UNC80: variants seen among roughly 807,000 people sequenced by gnomAD.
The protein encoded by UNC80 is unc-80 subunit of NALCN channel complex, also known as protein unc-80 homolog.
In UNC80, 164 loss-of-function variants were observed where a neutral mutation model predicts 384.6. The ratio of observed to expected loss-of-function variants is 0.43; its 90% confidence interval spans 0.38 to 0.49. The LOEUF is 0.49. Ranked by LOEUF, UNC80 falls within the 20% of genes least tolerant of loss-of-function variation. The pLI is 0.00. For missense variants in UNC80, 3,330 were observed against 4,143.0 expected (o/e 0.80, Z 5.39); for synonymous variants, 1,486 against 1,527.8 (o/e 0.97, Z 0.64).
chr2:209,926,712 G>A, intron 35 of UNC80, 131 bp from the exon 36 acceptor site: 1 of 1,126,394 alleles, frequency 8.9e-7, no homozygotes, highest in African/African-American at 1.5e-5. Context: ...AGAAGTCGAG[G>A]CTGCAGTGAG....
Position 209,808,767 on chromosome 2 carries a change from T to TTCTGCGCTACTCGGCGACCTCGTTGCC in UNC80, c.939-4801_939-4800insGGCGACCTCGTTGCCTCTGCGCTACTC, listed in dbSNP as rs1553520996. ...CTAGTGAGTGGGTCGCCTGCGCTAC[T>TTCTGCGCTACTCGGCGACCTCGTTGCC]TCTGCGCTACTCAGCGACCTCGTTG... On this transcript the variant is annotated intron_variant, in intron 7 of 64. Coordinates refer to ENST00000673920, the MANE Select transcript of UNC80 (RefSeq NM_001371986.1). 6.1e-4 allele frequency: 36 copies of TTCTGCGCTACTCGGCGACCTCGTTGCC among 59,254 alleles called. No individual in the cohort carries two copies. The East Asian group carries it at 0.026, about 42-fold the overall frequency. 3.7% of individuals were successfully genotyped at this position (59,254 alleles called of 1,614,324 possible).
rs1052449435 is a variant in UNC80, at chr2:209,829,233, C to G, written c.2480C>G (p.Ala827Gly). The G allele has an allele frequency of 5.8e-6, 9 of 1,550,988 alleles. No homozygotes were observed. Among genetic ancestry groups the G allele is most frequent in the Non-Finnish European group, 7.8e-6 (9 of 1,146,578 alleles). ...RLRHQVFREN[A>G]QNCLTKLYKL... ...TTCACTTTTCTTCCTTCATTGCAGG[C>G]CCAGAACTGCCTCACTAAGCTATAC... Residue 827 changes from alanine (A) to glycine (G), a missense_variant and splice_region_variant, in exon 15 of 65, where the codon GCC becomes GGC. Transcript: ENST00000673920.
chr2:209,868,537 A>G (rs2084024722), intron 22 of UNC80, among the ~76,000 whole-genome samples: 1 of 152,208 alleles, frequency 6.6e-6, no homozygotes, highest in African/African-American at 2.4e-5. Flanking sequence ...AGCTATCGAA[A>G]TTAGTATCTC....
In UNC80 at chr2:209,967,633, T is replaced by G; in HGVS notation, c.8002T>G (p.Leu2668Val). 12 of 1,551,540 alleles carry G rather than the reference T, an allele frequency of 7.7e-6. No homozygotes were observed. Among genetic ancestry groups the G allele is most frequent in the Non-Finnish European group, 1.0e-5 (12 of 1,146,890 alleles). ...MFNKIHKMPT[L>V]RRQVEWEPAS... ...CAACAAAATTCATAAGATGCCTACTTTGAGGTGAGAATGCCTCCGAGTTAG... is the reference window on the plus strand; with the variant it reads ...CAACAAAATTCATAAGATGCCTACTGTGAGGTGAGAATGCCTCCGAGTTAG... The change falls in exon 52 of 65, where the codon TTG becomes GTG. Residue 2668 changes from leucine (L) to valine (V), a missense_variant. This residue lies in a region of UNC80 where 1,049 missense variants were observed against 1,488.6 expected (regional missense o/e 0.70). Coordinates refer to ENST00000673920, the MANE Select transcript of UNC80 (RefSeq NM_001371986.1).
At chr2:209,855,215 T>C (rs1045784642) in intron 22 of UNC80, among the ~76,000 whole-genome samples, 1 of 152,154 alleles carries the variant, frequency 6.6e-6, no homozygotes, top group Non-Finnish European at 1.5e-5. Context: ...AAACACCACA[T>C]GTTCTCACTT....
intron 31 of UNC80, among the ~76,000 whole-genome samples, chr2:209,917,207 A>G (rs1197090116): frequency 6.6e-6 from 1 of 152,190 alleles, no homozygotes; most frequent in African/African-American, 2.4e-5. Context: ...ATTATTCATT[A>G]GCTTTATAAC....
At chr2:209,903,866 C>T (rs1266769453) in intron 28 of UNC80, among the ~76,000 whole-genome samples, 1 of 151,662 alleles carries the variant, frequency 6.6e-6, no homozygotes, top group Non-Finnish European at 1.5e-5. Flanking sequence ...TTGCCCACAT[C>T]ATCTTGCTTT....
intron 23 of UNC80, among the ~76,000 whole-genome samples, chr2:209,873,186 A>G (rs2084458407): frequency 1.3e-5 from 2 of 152,334 alleles, no homozygotes; most frequent in East Asian, 1.9e-4. Flanking sequence ...AGTTAAGAGA[A>G]CTGAAGTTTA....
At chr2:209,913,300 T>C (rs1400302205) in intron 30 of UNC80, among the ~76,000 whole-genome samples, 1 of 152,186 alleles carries the variant, frequency 6.6e-6, no homozygotes, top group Non-Finnish European at 1.5e-5. Context: ...TTGTCAGAAA[T>C]AATGGATAAA....
At chr2:209,830,468 A>G (rs2080872203) in intron 15 of UNC80, among the ~76,000 whole-genome samples, 1 of 152,218 alleles carries the variant, frequency 6.6e-6, no homozygotes, top group Non-Finnish European at 1.5e-5. Context: ...GAAATCTTTC[A>G]TCAATGTGAA....
At chr2:209,863,166 T>A (rs1416590343) in intron 22 of UNC80, among the ~76,000 whole-genome samples, 1 of 152,192 alleles carries the variant, frequency 6.6e-6, no homozygotes, top group Non-Finnish European at 1.5e-5. Flanking sequence ...TGGCCCCCAA[T>A]CTCTTCCGGC....
At chr2:209,776,379 C>G (rs768704523) in intron 3 of UNC80, among the ~76,000 whole-genome samples, 2 of 152,030 alleles carry the variant, frequency 1.3e-5, no homozygotes, top group African/African-American at 4.8e-5. Context: ...GTCGGGAGTT[C>G]GAGACCAGAC....
At chr2:209,944,901 A>T (rs1248300318) in intron 45 of UNC80, 150 bp from the exon 46 acceptor site, 2 of 846,776 alleles carry the variant, frequency 2.4e-6, no homozygotes, top group Non-Finnish European at 1.8e-6. Flanking sequence ...ATCATACCAC[A>T]GCATTGCGGG....
intron 4 of UNC80, among the ~76,000 whole-genome samples, chr2:209,783,851 C>A (rs1481534907): frequency 6.6e-6 from 1 of 152,176 alleles, no homozygotes; most frequent in African/African-American, 2.4e-5. Flanking sequence ...ATAAGATTTG[C>A]TTAATGTTAA....
At chr2:209,920,830 CT>C (rs869121048) in intron 33 of UNC80, among the ~76,000 whole-genome samples, 716 of 142,482 alleles carry the variant, frequency 5.0e-3, no homozygotes, top group Middle Eastern at 7.4e-3. Flanking sequence ...AAATGTTCTT[CT>C]TTTTTTTTTT....
chr2:209,973,084 C>T lies in UNC80; in HGVS notation c.8401C>T (p.Pro2801Ser), dbSNP rs1231431666. ...CTCAGATAGCCCATGGCTGGAGCAG[C>T]CTGAGGTGCAGCTGCTGCTGCAGAC... ...GSKDSPWLEQ[P>S]EVQLLLQTVI... Residue 2801 changes from proline (P) to serine (S), a missense_variant, in exon 56 of 65, where the codon CCT (proline) becomes TCT (serine). Physicochemically the swap from Pro to Ser is moderately conservative, Grantham distance 74. Transcript: ENST00000673920. The T allele has an allele frequency of 1.3e-6, 2 of 1,551,594 alleles. No homozygotes were observed. The highest frequency in any genetic ancestry group is 4.9e-5 in the East Asian group (2 of 40,914).
At chr2:209,917,233 G>T (rs2089623221) in intron 31 of UNC80, among the ~76,000 whole-genome samples, 1 of 152,072 alleles carries the variant, frequency 6.6e-6, no homozygotes, top group Non-Finnish European at 1.5e-5. Flanking sequence ...ATGGAACCTG[G>T]CCTTTCACTT....
At chr2:209,905,126 T>C (rs1273577262) in intron 29 of UNC80, among the ~76,000 whole-genome samples, 161 bp downstream of exon 29, 1 of 152,172 alleles carries the variant, frequency 6.6e-6, no homozygotes, top group Non-Finnish European at 1.5e-5. Flanking sequence ...GACAAATGTT[T>C]TGTCTTTCTT....
At chr2:209,931,077 C>A (rs954113820) in intron 38 of UNC80, 23 bp downstream of exon 38, 7 of 1,490,742 alleles carry the variant, frequency 4.7e-6, no homozygotes, top group Non-Finnish European at 6.4e-6. Flanking sequence ...TGTTCATTTC[C>A]AATTACGAAG....
Sources: allele counts gnomAD v4.1 joint callset (sites outside exome capture counted in the v4.1 genomes callset), GRCh38; gene constraint gnomAD v4.1.1; regional missense constraint gnomAD v4.1.1; transcripts MANE v1.5; gene names NCBI Gene and HGNC (gene_info 2026-07-23, HGNC 2026-07-21).